Variants in PLEKHA5 observed in about 807,000 individuals in gnomAD.
PLEKHA5 encodes the protein pleckstrin homology domain-containing family A member 5.
PLEKHA5 carries 55 observed loss-of-function variants against 181.9 expected under a neutral mutation model. The ratio of observed to expected loss-of-function variants is 0.30; its 90% CI spans 0.24 to 0.38. PLEKHA5 has a LOEUF of 0.38. PLEKHA5 is among the 10% of genes least tolerant of loss of function. The pLI, the probability that PLEKHA5 is intolerant of heterozygous loss-of-function variation, is 1.00. For missense variants in PLEKHA5, 1,432 were observed against 1,549.5 expected (o/e 0.92, Z 1.27); for synonymous variants, 535 against 529.4 (o/e 1.01, Z -0.15).
At chr12:19,276,590 C>T (rs2074587155) in intron 11 of PLEKHA5, among the ~76,000 whole-genome samples, 1 of 152,142 alleles carries the variant, frequency 6.6e-6, no homozygotes, top group Admixed American at 6.5e-5. Flanking sequence ...ACTGGGGAGG[C>T]TGAGGCAGGA....
At chr12:19,188,169 T>C (rs2050277356) in intron 3 of PLEKHA5, among the ~76,000 whole-genome samples, 1 of 152,334 alleles carries the variant, frequency 6.6e-6, no homozygotes, top group African/African-American at 2.4e-5. Context: ...ATTACTAGGT[T>C]GTCAAGAGCA....
At chr12:19,196,428 A>G (rs1288286878) in intron 3 of PLEKHA5, among the ~76,000 whole-genome samples, 1 of 152,218 alleles carries the variant, frequency 6.6e-6, no homozygotes, top group African/African-American at 2.4e-5. Flanking sequence ...GGTAACTAAC[A>G]TAATTCCTGG....
intron 15 of PLEKHA5, among the ~76,000 whole-genome samples, chr12:19,313,738 A>G (rs1213730224): frequency 6.6e-6 from 1 of 152,188 alleles, no homozygotes; most frequent in Non-Finnish European, 1.5e-5. Context: ...TTAACTGACT[A>G]AAAAGTAGAT....
intron 3 of PLEKHA5, among the ~76,000 whole-genome samples, chr12:19,193,305 A>G (rs2051695448): frequency 6.6e-6 from 1 of 152,222 alleles, no homozygotes; most frequent in African/African-American, 2.4e-5. Flanking sequence ...GTTTATTAAG[A>G]TAATTTATGA....
chr12:19,177,507 A>C (rs1000806489), intron 3 of PLEKHA5, among the ~76,000 whole-genome samples: 1 of 152,196 alleles, frequency 6.6e-6, no homozygotes, highest in Non-Finnish European at 1.5e-5. Context: ...TTTCATTTTG[A>C]AAGGGTCAAA....
chr12:19,291,750 T>G, intron 15 of PLEKHA5, 53 bp downstream of exon 15: 3 of 937,272 alleles, frequency 3.2e-6, no homozygotes, highest in Non-Finnish European at 4.8e-6. Flanking sequence ...ACTTCTTAAA[T>G]ATAATACAGT....
At chr12:19,225,474 G>C (rs2059565270) in intron 3 of PLEKHA5, among the ~76,000 whole-genome samples, 1 of 152,122 alleles carries the variant, frequency 6.6e-6, no homozygotes, top group Non-Finnish European at 1.5e-5. Context: ...TTTTAGTACA[G>C]AATTTGCAGT....
At chr12:19,186,718 G>C (rs2049941819) in intron 3 of PLEKHA5, among the ~76,000 whole-genome samples, 2 of 151,994 alleles carry the variant, frequency 1.3e-5, no homozygotes, top group Admixed American at 6.6e-5. Flanking sequence ...TACCATTTAT[G>C]GTTCGTATCC....
intron 3 of PLEKHA5, among the ~76,000 whole-genome samples, chr12:19,233,522 C>G (rs753498064): frequency 2.6e-5 from 4 of 152,088 alleles, no homozygotes; most frequent in Non-Finnish European, 5.9e-5. Flanking sequence ...TTACGGTATT[C>G]AGAACACCTC....
chr12:19,180,706 T>C (rs1164185129), intron 3 of PLEKHA5, among the ~76,000 whole-genome samples: 2 of 152,166 alleles, frequency 1.3e-5, no homozygotes, highest in Non-Finnish European at 2.9e-5. Context: ...ATTTAAAATA[T>C]GTTGGTCATA....
At chr12:19,294,068 TTGAA>T (rs1453408662) in intron 15 of PLEKHA5, among the ~76,000 whole-genome samples, 2 of 152,194 alleles carry the variant, frequency 1.3e-5, no homozygotes, top group Admixed American at 6.5e-5. Flanking sequence ...ACAGAATTGT[TTGAA>T]TGGTACTTGT....
At chr12:19,179,178 G>A (rs2047974339) in intron 3 of PLEKHA5, among the ~76,000 whole-genome samples, 1 of 152,134 alleles carries the variant, frequency 6.6e-6, no homozygotes, top group South Asian at 2.1e-4. Context: ...TATAACAATT[G>A]TTTAATGCTC....
intron 20 of PLEKHA5, among the ~76,000 whole-genome samples, chr12:19,324,719 A>G (rs1592495215): frequency 6.6e-6 from 1 of 152,356 alleles, no homozygotes; most frequent in Middle Eastern, 3.4e-3. Flanking sequence ...CCTAAGCCAC[A>G]GCAAAGATGA....
intron 3 of PLEKHA5, among the ~76,000 whole-genome samples, chr12:19,232,688 T>C (rs1304398815): frequency 2.0e-5 from 3 of 152,146 alleles, no homozygotes; most frequent in African/African-American, 7.2e-5. Flanking sequence ...ATTTGATTCT[T>C]AAATCATTCA....
At chr12:19,350,938 G>T (rs1257000782) in intron 25 of PLEKHA5, among the ~76,000 whole-genome samples, 2 of 144,804 alleles carry the variant, frequency 1.4e-5, no homozygotes, top group Admixed American at 1.4e-4. Context: ...TCCTAATCCT[G>T]TCTCCTTATT....
Position 19,274,899 on chromosome 12 carries a change from T to C in PLEKHA5, c.1229T>C (p.Val410Ala), listed in dbSNP as rs2074072217. 4 of 1,613,686 alleles carry C rather than the reference T, an allele frequency of 2.5e-6. No homozygotes were observed. Among genetic ancestry groups the C allele is most frequent in the African/African-American group, 1.3e-5 (1 of 74,824 alleles). The change falls in exon 11 of 32, where the codon GTC (valine) becomes GCC (alanine). Residue 410 changes from valine (V) to alanine (A), a missense_variant. Physicochemically the swap from Val to Ala is moderately conservative, Grantham distance 64. Transcript: ENST00000429027. ...CCCTTATACACAGAGGCCGATCGAG[T>C]CATACAGAGAACAAATTCAATGCAG... The part of the protein sequence containing the change: ...TGPLYTEADR[V>A]IQRTNSMQQL...
intron 3 of PLEKHA5, among the ~76,000 whole-genome samples, chr12:19,188,185 A>C (rs904600614): frequency 1.3e-5 from 2 of 152,188 alleles, no homozygotes; most frequent in East Asian, 1.9e-4. Flanking sequence ...GAGCAGGTAC[A>C]AATAGAGTTG....
Position 19,362,424 on chromosome 12 carries a change from C to T in PLEKHA5, c.3608+718C>T, listed in dbSNP as rs148615075. Among the ~76,000 whole-genome samples, 417 of 151,928 alleles carry T rather than the reference C, an allele frequency of 2.7e-3. 2 individuals are homozygous for T. The highest frequency in any genetic ancestry group is 4.4e-3 in the Non-Finnish European group (299 of 67,972). ...TGGTGCATGTCTGTGGTCCCAGCTA[C>T]TTGGGAGGCTGAGGCAGGAGAAATG... On this transcript the variant is annotated intron_variant, in intron 29 of 31. Coordinates refer to ENST00000429027, the MANE Select transcript of PLEKHA5 (RefSeq NM_001256470.2).
intron 26 of PLEKHA5, 141 bp downstream of exon 26, chr12:19,354,143 CTTTT>C (rs750923063): frequency 7.2e-4 from 54 of 74,870 alleles, no homozygotes; most frequent in South Asian, 1.7e-3. Context: ...ATTCTTTATT[CTTTT>C]TTTTTTTTTT....
Sources: gnomAD v4.1 joint callset for allele counts (sites outside exome capture counted in the v4.1 genomes callset) on GRCh38, gnomAD v4.1.1 for gene constraint, MANE v1.5 for transcripts, NCBI Gene and HGNC (gene_info 2026-07-23, HGNC 2026-07-21) for gene names.